DPYD: variants seen among roughly 807,000 people sequenced by gnomAD.
DPYD encodes the protein dihydropyrimidine dehydrogenase, also known as dihydropyrimidine dehydrogenase [NADP(+)].
DPYD carries 109 observed loss-of-function variants against 116.2 expected under a neutral mutation model. The ratio of observed to expected loss-of-function variants is 0.94; its 90% CI spans 0.80 to 1.10. DPYD has a LOEUF of 1.10. Among genes scored for constraint, DPYD ranks in the 50% least tolerant of loss-of-function variants. The probability of loss-of-function intolerance (pLI) is 0.00; values close to 1 mark genes in which losing one functional copy is unlikely to be tolerated. For synonymous variants in DPYD, 440 were observed against 432.0 expected (o/e 1.02, Z -0.23); for missense variants, 1,302 against 1,254.5 (o/e 1.04, Z -0.57).
intron 7 of DPYD, among the ~76,000 whole-genome samples, chr1:97,682,414 TC>T (rs570412806): frequency 4.9e-4 from 75 of 152,022 alleles, no homozygotes; most frequent in African/African-American, 1.6e-3. Flanking sequence ...GCACAAGGCT[TC>T]CTTCCTTTTT....
chr1:97,701,923 G>A (rs1425864164), intron 5 of DPYD, among the ~76,000 whole-genome samples: 3 of 151,636 alleles, frequency 2.0e-5, no homozygotes, highest in South Asian at 4.1e-4. Flanking sequence ...TTATACATAA[G>A]GGGGAATATA....
chr1:97,473,723 T>A (rs1204576323), intron 13 of DPYD, among the ~76,000 whole-genome samples: 3 of 152,122 alleles, frequency 2.0e-5, no homozygotes, highest in Middle Eastern at 3.2e-3. Flanking sequence ...GAAAACAGTA[T>A]GTGCCAGGCA....
At chr1:97,667,357 ATTTT>A in intron 8 of DPYD, among the ~76,000 whole-genome samples, 1 of 152,238 alleles carries the variant, frequency 6.6e-6, no homozygotes. Flanking sequence ...ATGCCATTTA[ATTTT>A]TATAGGAGAG....
chr1:97,592,862 T>C (rs1022082634), intron 10 of DPYD, among the ~76,000 whole-genome samples: 8 of 152,222 alleles, frequency 5.3e-5, no homozygotes, highest in African/African-American at 1.4e-4. Context: ...TGTGTCTTAT[T>C]ACCACATTCT....
intron 16 of DPYD, among the ~76,000 whole-genome samples, chr1:97,317,298 T>C (rs1667914025): frequency 6.6e-6 from 1 of 152,008 alleles, no homozygotes; most frequent in South Asian, 2.1e-4. Context: ...ATTTTCCTGA[T>C]ACCACCAGTA....
chr1:97,884,617 T>C (rs1672391152), intron 1 of DPYD, among the ~76,000 whole-genome samples: 1 of 152,076 alleles, frequency 6.6e-6, no homozygotes, highest in African/African-American at 2.4e-5. Context: ...GATGTTCATT[T>C]CAAAAGTCTT....
At chr1:97,583,650 C>CT (rs375866957) in intron 10 of DPYD, among the ~76,000 whole-genome samples, 14,007 of 132,396 alleles carry the variant, frequency 0.11, 923 homozygotes, top group South Asian at 0.16. Flanking sequence ...CTCGTATTTC[C>CT]TTTTTTTTTT....
At chr1:97,803,532 C>T (rs902585003) in intron 3 of DPYD, among the ~76,000 whole-genome samples, 4 of 151,798 alleles carry the variant, frequency 2.6e-5, no homozygotes, top group African/African-American at 9.7e-5. Flanking sequence ...AAAATATGGA[C>T]ACACATACTT....
chr1:97,641,922 T>C (rs531618724), intron 8 of DPYD, among the ~76,000 whole-genome samples: 27 of 152,318 alleles, frequency 1.8e-4, no homozygotes, highest in African/African-American at 6.5e-4. Context: ...CAAAAATCAA[T>C]GTGCAAAAAT....
intron 8 of DPYD, among the ~76,000 whole-genome samples, chr1:97,631,779 A>T (rs1417541370): frequency 6.6e-6 from 1 of 152,050 alleles, no homozygotes; most frequent in African/African-American, 2.4e-5. Flanking sequence ...GAGTGGGTAG[A>T]GCTTTATGAC....
intron 5 of DPYD, among the ~76,000 whole-genome samples, chr1:97,709,661 T>C (rs1662176053): frequency 1.3e-5 from 2 of 151,742 alleles, no homozygotes; most frequent in African/African-American, 2.4e-5. Flanking sequence ...AGCCACAGGA[T>C]TTTCCCCCAA....
chr1:97,584,016 T>G (rs1653900326), intron 10 of DPYD, among the ~76,000 whole-genome samples: 1 of 152,170 alleles, frequency 6.6e-6, no homozygotes, highest in Non-Finnish European at 1.5e-5. Flanking sequence ...GTTGAACTAG[T>G]TTACAGTCCC....
intron 8 of DPYD, among the ~76,000 whole-genome samples, chr1:97,637,835 T>A (rs1306889640): frequency 6.6e-6 from 1 of 152,142 alleles, no homozygotes; most frequent in Non-Finnish European, 1.5e-5. Context: ...TACTGATGGA[T>A]TTTGTGCAAA....
At chr1:97,441,718 T>TTG (rs1250765520) in intron 14 of DPYD, among the ~76,000 whole-genome samples, 2 of 152,194 alleles carry the variant, frequency 1.3e-5, no homozygotes, top group Non-Finnish European at 2.9e-5. Context: ...CTTATTTACA[T>TTG]AACAGGTAAT....
At chr1:97,792,352 C>T (rs903063556) in intron 3 of DPYD, among the ~76,000 whole-genome samples, 1 of 151,876 alleles carries the variant, frequency 6.6e-6, no homozygotes, top group South Asian at 2.1e-4. Flanking sequence ...TGGCTCACTG[C>T]AACCTCCACC....
rs187078408 is a variant in DPYD at position 97,545,944 on chromosome 1, C to T, written c.1524+3616G>A. 90 of 1,132,862 alleles carry T rather than the reference C, an allele frequency of 7.9e-5. No homozygotes were observed. In the East Asian group the frequency reaches 1.8e-3, roughly 23 times the overall value. The allele number at this position is 1,132,862 out of a possible 1,614,324, so 70.2% of individuals were successfully genotyped here. A position where few individuals can be genotyped will look rare whatever the true frequency, so the allele number is the denominator to read the frequency against. On this transcript the variant is annotated intron_variant, in intron 12 of 22. Transcript: ENST00000370192. The stretch of plus-strand genomic sequence containing the variant: ...GAGTTTAAAGAATCAGATTGTCATA[C>T]TCTACTGCACTTCCTTGAAGATGAA...
intron 19 of DPYD, among the ~76,000 whole-genome samples, chr1:97,221,629 T>C (rs911650056): frequency 3.9e-5 from 6 of 152,230 alleles, no homozygotes; most frequent in African/African-American, 1.2e-4. Context: ...CCAAAGTCTA[T>C]AAAACATTGA....
At chr1:97,225,951 T>C (rs943176171) in intron 19 of DPYD, among the ~76,000 whole-genome samples, 1 of 152,078 alleles carries the variant, frequency 6.6e-6, no homozygotes, top group African/African-American at 2.4e-5. Context: ...AAAAAAAGTA[T>C]AGGCCGTATC....
chr1:97,743,597 G>A (rs11801116), intron 3 of DPYD, among the ~76,000 whole-genome samples: 1 of 152,106 alleles, frequency 6.6e-6, no homozygotes, highest in African/African-American at 2.4e-5. Context: ...CACCAAATCA[G>A]AAAGGTACTG....
Sources: allele counts gnomAD v4.1 joint callset (sites outside exome capture counted in the v4.1 genomes callset), GRCh38; gene constraint gnomAD v4.1.1; transcripts MANE v1.5; gene names NCBI Gene and HGNC (gene_info 2026-07-23, HGNC 2026-07-21).